The following NAV1 variants were observed in gnomAD, a reference collection of about 807,000 sequenced individuals.
The protein encoded by NAV1 is neuron navigator 1.
NAV1 carries 18 observed loss-of-function variants against 175.2 expected under a neutral mutation model. That is an observed-to-expected ratio of 0.10 (90% CI 0.07 to 0.15). NAV1 has a LOEUF of 0.15. NAV1 is among the 10% of genes least tolerant of loss of function. The probability of loss-of-function intolerance (pLI) is 1.00; values close to 1 mark genes in which losing one functional copy is unlikely to be tolerated. For missense variants in NAV1, 1,731 were observed against 2,436.6 expected (o/e 0.71, Z 6.10); for synonymous variants, 897 against 978.7 (o/e 0.92, Z 1.56).
At chr1:201,546,039 C>T (rs1394398436) in intron 1 of NAV1, among the ~76,000 whole-genome samples, 1 of 152,200 alleles carries the variant, frequency 6.6e-6, no homozygotes, top group Non-Finnish European at 1.5e-5. Context: ...TGCCAAGATA[C>T]CAACTGCTCT....
At chr1:201,637,978 T>C (rs1668654818) in intron 2 of NAV1, among the ~76,000 whole-genome samples, 2 of 152,326 alleles carry the variant, frequency 1.3e-5, no homozygotes, top group Admixed American at 1.3e-4. Flanking sequence ...TCCTGGGCTC[T>C]TTATTAGCCT....
chr1:201,627,823 C>T (rs1396624535), intron 1 of NAV1, among the ~76,000 whole-genome samples: 2 of 152,040 alleles, frequency 1.3e-5, no homozygotes, highest in Non-Finnish European at 2.9e-5. Flanking sequence ...CCCCTTGGCA[C>T]TTGTGTACTT....
chr1:201,665,254 A>T (rs1669772594), intron 1 of NAV1, among the ~76,000 whole-genome samples: 1 of 145,184 alleles, frequency 6.9e-6, no homozygotes, highest in African/African-American at 2.6e-5. Flanking sequence ...TGCCTCGGCC[A>T]CTCCCGCAGA....
At chr1:201,702,071 T>C (rs1671448654) in intron 1 of NAV1, among the ~76,000 whole-genome samples, 1 of 152,232 alleles carries the variant, frequency 6.6e-6, no homozygotes, top group Admixed American at 6.5e-5. Flanking sequence ...TAGTGATGCT[T>C]GCTACAACAT....
At chr1:201,654,094 G>C (rs1381357905) in intron 1 of NAV1, among the ~76,000 whole-genome samples, 3 of 152,156 alleles carry the variant, frequency 2.0e-5, no homozygotes, top group African/African-American at 7.2e-5. Flanking sequence ...GTACCGCATG[G>C]ATGAATAAGT....
chr1:201,747,438 C>T (rs777386230), intron 3 of NAV1, among the ~76,000 whole-genome samples: 2 of 152,118 alleles, frequency 1.3e-5, no homozygotes, highest in African/African-American at 2.4e-5. Flanking sequence ...TTTCTGCCAG[C>T]GGGTGGAATT....
At chr1:201,716,470 C>T (rs1344612506) in intron 2 of NAV1, among the ~76,000 whole-genome samples, 1 of 152,206 alleles carries the variant, frequency 6.6e-6, no homozygotes, top group Non-Finnish European at 1.5e-5. Flanking sequence ...CAGTCTCTGG[C>T]TTCGGGGCAC....
At chr1:201,674,885 A>C (rs946231576) in intron 1 of NAV1, among the ~76,000 whole-genome samples, 5 of 151,964 alleles carry the variant, frequency 3.3e-5, no homozygotes, top group Non-Finnish European at 5.9e-5. Context: ...AAAAATACAC[A>C]CACACATAGC....
intron 2 of NAV1, among the ~76,000 whole-genome samples, chr1:201,597,534 T>C (rs929727966): frequency 6.6e-6 from 1 of 152,218 alleles, no homozygotes; most frequent in African/African-American, 2.4e-5. Context: ...GAAGAGGATC[T>C]GCAAAGATCC....
Position 201,787,580 on chromosome 1 carries a change from G to T in NAV1, c.2996-888G>T, listed in dbSNP as rs1676843458. 3 of 447,066 alleles carry T rather than the reference G, an allele frequency of 6.7e-6. No individual in the cohort carries two copies. The highest frequency in any genetic ancestry group is 2.0e-5 in the African/African-American group (1 of 49,916). The allele number at this position is 447,066 out of a possible 1,614,324, so 27.7% of individuals were successfully genotyped here. A position where few individuals can be genotyped will look rare whatever the true frequency, so the allele number is the denominator to read the frequency against. ...TTGCATTTATGCTGCAGAATGAGGGGCTGGGCTAAGCAATAATTACCTCAG... is the reference window on the plus strand; with the variant it reads ...TTGCATTTATGCTGCAGAATGAGGGTCTGGGCTAAGCAATAATTACCTCAG... On this transcript the variant is annotated intron_variant, in intron 9 of 29. Transcript: ENST00000367296. The surrounding 1 kb of genome is among the most constrained non-coding windows in gnomAD (Gnocchi z 4.3).
rs1289812995 is a variant in NAV1, at chr1:201,734,490, AAGG to A, written c.1226+15738_1226+15740del. ...GAGGAAGAGGAGGAGGAGGAGGAAG[AAGG>A]AGAAGGAGAAGAAGAAGAAGAAGAA... is the stretch of plus-strand genomic sequence containing the variant. On this transcript the variant is annotated intron_variant, in intron 3 of 29. Transcript: ENST00000367296. Among the ~76,000 whole-genome samples the A allele has an allele frequency of 3.0e-5, 4 of 134,444 alleles. 1 individual carries two copies. The highest frequency in any genetic ancestry group is 1.1e-4 in the African/African-American group (4 of 35,652). The allele number at this position is 134,444 out of a possible 152,430, so 88.2% of individuals were successfully genotyped here.
In NAV1 at chr1:201,779,780, G is replaced by A. The variant is rs1472327931; in HGVS notation, c.1227-641G>A. Among the ~76,000 whole-genome samples, 2 of 152,022 alleles carry A rather than the reference G, an allele frequency of 1.3e-5. 1 individual carries two copies. The highest frequency in any genetic ancestry group is 2.9e-5 in the Non-Finnish European group (2 of 68,020). On this transcript the variant is annotated intron_variant, in intron 3 of 29. Coordinates refer to ENST00000367296, the Ensembl canonical transcript of NAV1. ...TAATACCACAGACCTGATATTCCAA[G>A]CAATTGGCAGAGAAATGAATCCATT... is the stretch of plus-strand genomic sequence containing the variant.
At chr1:201,573,184 C>A (rs7518780) in intron 1 of NAV1, among the ~76,000 whole-genome samples, 28,533 of 152,228 alleles carry the variant, frequency 0.19, 2,994 homozygotes, top group African/African-American at 0.29. Context: ...GGCCAGACAC[C>A]CTGACTGATT....
At position 201,782,889 on chromosome 1, in the gene NAV1, G is replaced by C. The variant is rs759089356; in HGVS notation, c.2357+20G>C. On this transcript the variant is annotated intron_variant, in intron 6 of 29. Coordinates refer to ENST00000367296, the Ensembl canonical transcript of NAV1. This position sits in a 1 kb window ranked among gnomAD's most constrained non-coding sequence, Gnocchi z 5.4. ...TCTCAGGTACCCAATGTGGGCAGCC[G>C]CCTCCTTGTCTGTTTGCTTTGTCAT... is the stretch of plus-strand genomic sequence containing the variant. 1 of 1,541,074 alleles carries C rather than the reference G, an allele frequency of 6.5e-7. No individual in the cohort carries two copies.
At chr1:201,809,233 G>A in exon 21 of NAV1, 3 of 1,613,924 alleles carry the variant, frequency 1.9e-6, no homozygotes, top group Non-Finnish European at 2.5e-6. Context: ...GTGGTGGTGA[G>A]GATGCCCCCG....
At chr1:201,755,392 G>C (rs1432523948) in intron 3 of NAV1, among the ~76,000 whole-genome samples, 2 of 152,106 alleles carry the variant, frequency 1.3e-5, no homozygotes, top group Admixed American at 6.5e-5. Flanking sequence ...CTGCACTTCA[G>C]CCTGGGCAAC....
At chr1:201,593,598 CT>C (rs1667269095) in intron 2 of NAV1, among the ~76,000 whole-genome samples, 2 of 152,178 alleles carry the variant, frequency 1.3e-5, no homozygotes, top group African/African-American at 2.4e-5. Flanking sequence ...CTGGTTCTGT[CT>C]TTTCTCAGGA....
upstream of NAV1, among the ~76,000 whole-genome samples, chr1:201,643,982 C>T (rs183034256): frequency 3.3e-3 from 497 of 152,336 alleles, 3 homozygotes; most frequent in African/African-American, 0.011. Context: ...AATCACTCAT[C>T]CTATCGCCAT....
intron 1 of NAV1, among the ~76,000 whole-genome samples, chr1:201,583,904 T>G (rs907013926): frequency 2.0e-5 from 3 of 152,228 alleles, no homozygotes; most frequent in African/African-American, 7.2e-5. Flanking sequence ...GAGTAGAATG[T>G]AGCAATCTCA....
Sources: allele counts gnomAD v4.1 joint callset (sites outside exome capture counted in the v4.1 genomes callset), GRCh38; gene constraint gnomAD v4.1.1; non-coding constraint Gnocchi (gnomAD v3.1); transcripts MANE v1.5; gene names NCBI Gene and HGNC (gene_info 2026-07-23, HGNC 2026-07-21).